Variants in METRNL observed in about 807,000 individuals in gnomAD.
METRNL encodes meteorin like, glial cell differentiation regulator, also known as meteorin-like protein.
Under a neutral mutation model 17.4 loss-of-function variants are expected in METRNL, and 9 were observed. The ratio of observed to expected loss-of-function variants is 0.52; its 90% CI spans 0.31 to 0.90. METRNL has a LOEUF of 0.90. Ranked by LOEUF, METRNL falls within the 40% of genes least tolerant of loss-of-function variation. METRNL has a pLI of 0.05. For synonymous variants in METRNL, 215 were observed against 199.3 expected (o/e 1.08, Z -0.66); for missense variants, 408 against 430.7 (o/e 0.95, Z 0.47).
At chr17:83,084,840 C>T in intron 1 of METRNL, 98 bp from the exon 2 acceptor site, 2 of 1,468,518 alleles carry the variant, frequency 1.4e-6, no homozygotes, top group Non-Finnish European at 1.8e-6. Flanking sequence ...GAGCCGCCAT[C>T]ATTTGGAGCG....
intron 1 of METRNL, among the ~76,000 whole-genome samples, chr17:83,080,669 C>T (rs1259171326): frequency 2.0e-5 from 3 of 146,436 alleles, no homozygotes; most frequent in African/African-American, 7.6e-5. Context: ...GCGACTGCCC[C>T]TCGGGAGCCG....
intron 2 of METRNL, among the ~76,000 whole-genome samples, chr17:83,089,147 G>C (rs966587591): frequency 6.6e-6 from 1 of 152,132 alleles, no homozygotes; most frequent in East Asian, 1.9e-4. Context: ...GCAGCGCGAC[G>C]GTGATGATGG....
At chr17:83,082,195 C>T (rs1236474350) in intron 1 of METRNL, 8 of 985,326 alleles carry the variant, frequency 8.1e-6, no homozygotes, top group African/African-American at 1.7e-5. Flanking sequence ...GCCCGGGCAT[C>T]GCAGGTGCGG....
At chr17:83,090,697 C>T (rs535084851) in intron 2 of METRNL, among the ~76,000 whole-genome samples, 2 of 151,450 alleles carry the variant, frequency 1.3e-5, no homozygotes, top group South Asian at 4.2e-4. Context: ...TTGACCAGCT[C>T]TCTCTCAGCC....
chr17:83,094,894 T>G lies in METRNL; in HGVS notation c.*319T>G. The G allele has an allele frequency of 3.4e-6, 1 of 291,296 alleles. No individual in the cohort carries two copies. The allele number at this position is 291,296 out of a possible 1,614,324, so 18.0% of individuals were successfully genotyped here. A position where few individuals can be genotyped will look rare whatever the true frequency, so the allele number is the denominator to read the frequency against. ...TGGTGTGCCGTCTGATACTGTTCTC[T>G]AAAGACGTTAGGAGTCACGGCATCT... On this transcript the variant is annotated 3_prime_UTR_variant, in exon 4 of 4. Transcript: ENST00000320095.
chr17:83,092,617 C>G (rs879846442), intron 2 of METRNL: 1 of 28,088 alleles, frequency 3.6e-5, no homozygotes, highest in African/African-American at 1.5e-4. Flanking sequence ...GCGCCGTGGG[C>G]TGTGGAGGTG....
intron 2 of METRNL, among the ~76,000 whole-genome samples, chr17:83,086,939 G>C (rs2143629994): frequency 6.6e-6 from 1 of 152,246 alleles, no homozygotes; most frequent in South Asian, 2.1e-4. Context: ...GAGGCCTACA[G>C]GCCCTGTGTA....
chr17:83,080,738 G>T (rs1453937968), intron 1 of METRNL, among the ~76,000 whole-genome samples: 3 of 150,132 alleles, frequency 2.0e-5, no homozygotes, highest in Non-Finnish European at 4.4e-5. Context: ...CCCGCCCTGC[G>T]CGAGCCTCGC....
At chr17:83,084,811 C>A in intron 1 of METRNL, 127 bp from the exon 2 acceptor site, 1 of 1,262,634 alleles carries the variant, frequency 7.9e-7, no homozygotes, top group Non-Finnish European at 1.1e-6. Context: ...CACCTGTGGC[C>A]GGCAGCGGGT....
intron 1 of METRNL, 168 bp from the exon 2 acceptor site, chr17:83,084,770 C>T (rs967898410): frequency 3.8e-5 from 29 of 757,754 alleles, no homozygotes; most frequent in Middle Eastern, 3.9e-4. Flanking sequence ...GAGATGGCGC[C>T]GGCCTGCCTC....
At chr17:83,086,761 C>A (rs1013566185) in intron 2 of METRNL, among the ~76,000 whole-genome samples, 1 of 152,174 alleles carries the variant, frequency 6.6e-6, no homozygotes, top group Non-Finnish European at 1.5e-5. Context: ...TGGTGTAGTC[C>A]GTCCCTGCCA....
intron 3 of METRNL, 135 bp downstream of exon 3, chr17:83,093,361 C>T (rs553595331): frequency 5.0e-5 from 35 of 705,642 alleles, no homozygotes; most frequent in South Asian, 1.4e-4. Flanking sequence ...GAGGGGCACA[C>T]GCTGTGGAAG....
At chr17:83,083,123 C>T (rs1189488760) in intron 1 of METRNL, among the ~76,000 whole-genome samples, 1 of 152,212 alleles carries the variant, frequency 6.6e-6, no homozygotes, top group Non-Finnish European at 1.5e-5. Context: ...GCGTGCCCAC[C>T]AGATGCGGGT....
At chr17:83,090,983 G>A (rs138638574) in intron 2 of METRNL, among the ~76,000 whole-genome samples, 1 of 152,120 alleles carries the variant, frequency 6.6e-6, no homozygotes, top group Non-Finnish European at 1.5e-5. Flanking sequence ...AGTGTCAAGG[G>A]TGGGCCACAC....
intron 1 of METRNL, among the ~76,000 whole-genome samples, chr17:83,081,416 G>A (rs2143608701): frequency 6.6e-6 from 1 of 152,272 alleles, no homozygotes. Context: ...CCCTTTTCAG[G>A]GTGTCAGGGG....
At chr17:83,089,841 C>T (rs2038096832) in intron 2 of METRNL, among the ~76,000 whole-genome samples, 1 of 152,112 alleles carries the variant, frequency 6.6e-6, no homozygotes, top group African/African-American at 2.4e-5. Context: ...CAGGGTGCTC[C>T]TTACGAGCTC....
At chr17:83,082,109 G>A in intron 1 of METRNL, 1 of 985,430 alleles carries the variant, frequency 1.0e-6, no homozygotes, top group Non-Finnish European at 1.2e-6. Flanking sequence ...TTCCGTGGGG[G>A]GAGGCGGGAC....
chr17:83,082,107 G>C, intron 1 of METRNL: 1 of 985,432 alleles, frequency 1.0e-6, no homozygotes, highest in Non-Finnish European at 1.2e-6. Context: ...CCTTCCGTGG[G>C]GGGAGGCGGG....
intron 2 of METRNL, among the ~76,000 whole-genome samples, chr17:83,092,040 G>A (rs747900378): frequency 3.9e-5 from 6 of 152,220 alleles, no homozygotes; most frequent in Non-Finnish European, 7.3e-5. Context: ...GAGGGGAGAA[G>A]GTTGTTGGGA....
Sources: gnomAD v4.1 joint callset for allele counts (sites outside exome capture counted in the v4.1 genomes callset) on GRCh38, gnomAD v4.1.1 for gene constraint, MANE v1.5 for transcripts, NCBI Gene and HGNC (gene_info 2026-07-23, HGNC 2026-07-21) for gene names.